Variants in THEMIS observed in about 807,000 individuals in gnomAD.
The protein encoded by THEMIS is protein THEMIS.
A neutral mutation model predicts 52.6 loss-of-function variants in THEMIS; 37 were observed. The observed-to-expected ratio is 0.70, with a 90% CI of 0.54 to 0.93. The LOEUF (loss-of-function observed/expected upper bound fraction) is 0.93. Ranked by LOEUF, THEMIS falls within the 40% of genes least tolerant of loss-of-function variation. The pLI is 0.00. For synonymous variants in THEMIS, 292 were observed against 272.7 expected (o/e 1.07, Z -0.70); for missense variants, 808 against 763.1 (o/e 1.06, Z -0.69).
intron 4 of THEMIS, among the ~76,000 whole-genome samples, chr6:127,809,932 T>C (rs116551545): frequency 0.012 from 1,886 of 151,350 alleles, 43 homozygotes; most frequent in African/African-American, 0.043. Context: ...TTAACATCTT[T>C]AACAGCTCCT....
chr6:127,799,517 C>T (rs1562264630), intron 4 of THEMIS, among the ~76,000 whole-genome samples: 1 of 143,146 alleles, frequency 7.0e-6, no homozygotes, highest in Non-Finnish European at 1.5e-5. Flanking sequence ...GGTAATCTTT[C>T]TTTCTTTCTT....
At chr6:127,730,720 A>G (rs1001555666) in intron 4 of THEMIS, among the ~76,000 whole-genome samples, 4 of 152,196 alleles carry the variant, frequency 2.6e-5, no homozygotes, top group Non-Finnish European at 5.9e-5. Flanking sequence ...AGCATATAAC[A>G]TCAAAAATAT....
At chr6:127,715,269 T>C (rs1373053080) in intron 5 of THEMIS, among the ~76,000 whole-genome samples, 1 of 151,910 alleles carries the variant, frequency 6.6e-6, no homozygotes, top group Non-Finnish European at 1.5e-5. Context: ...ACATTGATGT[T>C]AAATATAAAG....
intron 1 of THEMIS, among the ~76,000 whole-genome samples, chr6:127,913,820 G>A (rs994681070): frequency 6.6e-6 from 1 of 152,162 alleles, no homozygotes; most frequent in Non-Finnish European, 1.5e-5. Context: ...TAGAATACCA[G>A]TATTGATTGG....
At chr6:127,757,960 G>A (rs192160782) in intron 4 of THEMIS, among the ~76,000 whole-genome samples, 1 of 151,762 alleles carries the variant, frequency 6.6e-6, no homozygotes, top group East Asian at 1.9e-4. Flanking sequence ...CATAAATATA[G>A]ATAGATAAAT....
intron 2 of THEMIS, among the ~76,000 whole-genome samples, chr6:127,839,661 C>T (rs1316589194): frequency 6.6e-6 from 1 of 152,088 alleles, no homozygotes; most frequent in Non-Finnish European, 1.5e-5. Flanking sequence ...AGCCACTATG[C>T]CCAGCCAATT....
chr6:127,772,881 A>C (rs1776434837), intron 4 of THEMIS, among the ~76,000 whole-genome samples: 1 of 152,164 alleles, frequency 6.6e-6, no homozygotes, highest in African/African-American at 2.4e-5. Context: ...TAAAAGAATT[A>C]TTACTCTATA....
intron 1 of THEMIS, among the ~76,000 whole-genome samples, chr6:127,855,999 C>T (rs1779606669): frequency 6.6e-6 from 1 of 151,962 alleles, no homozygotes; most frequent in Admixed American, 6.6e-5. Flanking sequence ...AAAACTATAT[C>T]TCTGGCATAT....
At chr6:127,859,687 A>C (rs1409155752) in intron 1 of THEMIS, among the ~76,000 whole-genome samples, 2 of 152,160 alleles carry the variant, frequency 1.3e-5, no homozygotes, top group East Asian at 3.8e-4. Flanking sequence ...AAGTATATAC[A>C]AGCTGACTAT....
chr6:127,767,720 T>C (rs1242899119), intron 4 of THEMIS, among the ~76,000 whole-genome samples: 1 of 152,230 alleles, frequency 6.6e-6, no homozygotes, highest in Non-Finnish European at 1.5e-5. Context: ...AAAATGTATA[T>C]TATAAACCAT....
intron 1 of THEMIS, among the ~76,000 whole-genome samples, chr6:127,892,941 C>T (rs1399766474): frequency 1.3e-5 from 2 of 152,090 alleles, no homozygotes; most frequent in African/African-American, 2.4e-5. Context: ...CTGCCTTTTA[C>T]ATCTTTATAT....
chr6:127,821,610 G>A (rs1287203807), intron 3 of THEMIS, among the ~76,000 whole-genome samples: 2 of 151,508 alleles, frequency 1.3e-5, no homozygotes, highest in African/African-American at 4.9e-5. Flanking sequence ...GTTTCACTAA[G>A]TTCTTTCAGG....
intron 4 of THEMIS, among the ~76,000 whole-genome samples, chr6:127,759,852 CTCCCTCCT>C (rs1480059878): frequency 5.4e-4 from 67 of 124,746 alleles, no homozygotes; most frequent in African/African-American, 1.5e-3. Context: ...CCCTCCCTCC[CTCCCTCCT>C]TCCTTCCTTC....
chr6:127,879,804 T>A (rs893311664), intron 1 of THEMIS, among the ~76,000 whole-genome samples: 2 of 151,928 alleles, frequency 1.3e-5, no homozygotes, highest in African/African-American at 4.8e-5. Flanking sequence ...CTGGACTGGA[T>A]CCTAACCAAG....
chr6:127,698,630 A>T, the THEMIS span, among the ~76,000 whole-genome samples: 1 of 152,074 alleles, frequency 6.6e-6, no homozygotes, highest in East Asian at 1.9e-4. Context: ...CTCAGATGAA[A>T]CAATCATACA....
chr6:127,755,471 A>G (rs1170298101), intron 4 of THEMIS, among the ~76,000 whole-genome samples: 1 of 152,172 alleles, frequency 6.6e-6, no homozygotes, highest in Non-Finnish European at 1.5e-5. Context: ...GAATGCTTGA[A>G]GTAACCATCT....
At chr6:127,914,380 T>A (rs940561965) in intron 1 of THEMIS, among the ~76,000 whole-genome samples, 1 of 152,208 alleles carries the variant, frequency 6.6e-6, no homozygotes, top group African/African-American at 2.4e-5. Context: ...ACGATTTCAT[T>A]ATGAAACATA....
intron 4 of THEMIS, among the ~76,000 whole-genome samples, chr6:127,775,235 C>G (rs1301246453): frequency 6.6e-6 from 1 of 152,110 alleles, no homozygotes; most frequent in Non-Finnish European, 1.5e-5. Context: ...AAGTTGGGGA[C>G]GCAAAAGTGT....
intron 4 of THEMIS, among the ~76,000 whole-genome samples, chr6:127,726,483 A>G (rs562366731): frequency 5.3e-5 from 8 of 152,146 alleles, no homozygotes; most frequent in Non-Finnish European, 7.3e-5. Context: ...ATTCTTCATT[A>G]CTATTAAGAT....
Sources: allele counts gnomAD v4.1 joint callset (sites outside exome capture counted in the v4.1 genomes callset), GRCh38; gene constraint gnomAD v4.1.1; transcripts MANE v1.5; gene names NCBI Gene and HGNC (gene_info 2026-07-23, HGNC 2026-07-21).